Variants in MED13L observed in about 807,000 individuals in gnomAD.
MED13L encodes the protein mediator of RNA polymerase II transcription subunit 13-like.
In MED13L, 7 loss-of-function variants were observed where a neutral mutation model predicts 220.9. The observed-to-expected ratio is 0.03, with a 90% CI of 0.02 to 0.06. The LOEUF is 0.06. Among genes scored for constraint, MED13L ranks in the 10% least tolerant of loss-of-function variants. The pLI, the probability that MED13L is intolerant of heterozygous loss-of-function variation, is 1.00. For synonymous variants in MED13L, 1,011 were observed against 1,015.2 expected (o/e 1.00, Z 0.08); for missense variants, 1,965 against 2,760.5 (o/e 0.71, Z 6.46).
Position 116,277,588 on chromosome 12 carries a change from G to A in MED13L, c.-457C>T, listed in dbSNP as rs931112689. ...CGGACGAAGCCAGCGGGCGACCCCG[G>A]CAGCCGAGCGACGTCCCCTCCTTCC... On this transcript the variant is annotated 5_prime_UTR_variant, in exon 1 of 31. Coordinates refer to ENST00000281928, the MANE Select transcript of MED13L (RefSeq NM_015335.5). Among the ~76,000 whole-genome samples the A allele has an allele frequency of 1.3e-5, 2 of 149,484 alleles. No individual in the cohort carries two copies. Among genetic ancestry groups the A allele is most frequent in the African/African-American group, 2.4e-5 (1 of 41,146 alleles).
chr12:116,205,875 A>G (rs1882284051), intron 2 of MED13L, among the ~76,000 whole-genome samples: 1 of 151,562 alleles, frequency 6.6e-6, no homozygotes, highest in Non-Finnish European at 1.5e-5. Flanking sequence ...TCATTAAAAT[A>G]TATTTAATAT....
chr12:116,232,167 G>A (rs1463066568), intron 2 of MED13L: 4 of 981,368 alleles, frequency 4.1e-6, no homozygotes, highest in East Asian at 2.3e-4. Context: ...CTTAAAAATA[G>A]AAAAAGCAAT....
At chr12:116,183,820 A>ATATGTG (rs1880699980) in intron 2 of MED13L, among the ~76,000 whole-genome samples, 2 of 146,486 alleles carry the variant, frequency 1.4e-5, no homozygotes, top group Non-Finnish European at 3.0e-5. Flanking sequence ...GTGTGTGTGT[A>ATATGTG]TGTGTGTGTG....
intron 2 of MED13L, among the ~76,000 whole-genome samples, chr12:116,220,516 T>C (rs943220654): frequency 6.6e-6 from 1 of 152,174 alleles, no homozygotes; most frequent in Non-Finnish European, 1.5e-5. Flanking sequence ...CTGGCCATTA[T>C]GGCGAAACCC....
intron 2 of MED13L, among the ~76,000 whole-genome samples, chr12:116,212,012 A>G (rs866689096): frequency 6.6e-6 from 1 of 152,230 alleles, no homozygotes; most frequent in Non-Finnish European, 1.5e-5. Flanking sequence ...ATTAAACTAC[A>G]TATATCACAT....
At chr12:116,022,317 C>T (rs931022314) in intron 5 of MED13L, 139 bp downstream of exon 5, 119 of 1,023,602 alleles carry the variant, frequency 1.2e-4, no homozygotes, top group Non-Finnish European at 1.5e-4. Context: ...TCTTTTCTTC[C>T]TTCTTCAAAA....
intron 16 of MED13L, 47 bp downstream of exon 16, chr12:115,996,429 A>C (rs1299259267): frequency 6.3e-7 from 1 of 1,577,484 alleles, no homozygotes; most frequent in East Asian, 2.2e-5. Context: ...GTTAAGATAA[A>C]AATTGCATCA....
intron 1 of MED13L, among the ~76,000 whole-genome samples, chr12:116,244,714 G>A (rs529529083): frequency 9.8e-5 from 15 of 152,328 alleles, no homozygotes; most frequent in African/African-American, 3.6e-4. Flanking sequence ...ACTTTGGCAG[G>A]CCCACAGCAG....
chr12:116,029,863 A>G (rs1880624996), intron 4 of MED13L, among the ~76,000 whole-genome samples: 1 of 152,232 alleles, frequency 6.6e-6, no homozygotes, highest in South Asian at 2.1e-4. Context: ...TTCCATGAAT[A>G]CATGGAAGAG....
chr12:116,132,123 C>CA (rs1165560346), intron 2 of MED13L, among the ~76,000 whole-genome samples: 2 of 151,240 alleles, frequency 1.3e-5, no homozygotes, highest in Admixed American at 6.6e-5. Context: ...TACAAAAGTA[C>CA]AAAAAAAATT....
chr12:116,012,691 G>A (rs1320114158), intron 9 of MED13L, 106 bp downstream of exon 9: 5 of 851,044 alleles, frequency 5.9e-6, no homozygotes, highest in Admixed American at 3.4e-5. Flanking sequence ...TTCTCTACTG[G>A]AGGAGAATGG....
chr12:116,115,941 A>G (rs1874478969), intron 2 of MED13L, among the ~76,000 whole-genome samples: 1 of 152,232 alleles, frequency 6.6e-6, no homozygotes, highest in South Asian at 2.1e-4. Flanking sequence ...GCCACTTTGG[A>G]AAAGTTGCCT....
At chr12:115,993,216 C>T (rs1419494457) in intron 16 of MED13L, among the ~76,000 whole-genome samples, 3 of 151,986 alleles carry the variant, frequency 2.0e-5, no homozygotes, top group Admixed American at 2.0e-4. Context: ...AATCAATCCC[C>T]CAAGGATACC....
chr12:116,198,048 T>C (rs915400027), intron 2 of MED13L, among the ~76,000 whole-genome samples: 2 of 152,204 alleles, frequency 1.3e-5, no homozygotes, highest in Non-Finnish European at 2.9e-5. Flanking sequence ...ATACCATCAA[T>C]AGTGCTTATG....
At chr12:116,008,201 T>G (rs1879171199) in intron 10 of MED13L, 200 bp downstream of exon 10, 1 of 657,440 alleles carries the variant, frequency 1.5e-6, no homozygotes, top group Admixed American at 3.2e-5. Context: ...GTTCTTTATA[T>G]GCCCATGTGT....
chr12:116,270,288 C>G (rs1193983043), intron 1 of MED13L, among the ~76,000 whole-genome samples: 3 of 151,998 alleles, frequency 2.0e-5, no homozygotes, highest in East Asian at 1.9e-4. Context: ...ACTACAGACG[C>G]GCACCACCAC....
At chr12:116,151,661 T>C (rs1451446638) in intron 2 of MED13L, among the ~76,000 whole-genome samples, 1 of 152,172 alleles carries the variant, frequency 6.6e-6, no homozygotes, top group Non-Finnish European at 1.5e-5. Flanking sequence ...AAATTAGCCA[T>C]AATGTGCAAA....
At chr12:116,149,140 TACTATGTC>T (rs1219351826) in intron 2 of MED13L, among the ~76,000 whole-genome samples, 1 of 152,226 alleles carries the variant, frequency 6.6e-6, no homozygotes, top group Admixed American at 6.5e-5. Flanking sequence ...CTCTGCTTAT[TACTATGTC>T]ATGTTTTCCA....
rs541194742 is a variant in MED13L, at chr12:116,201,150, T to G, written c.310+36318A>C. Among the ~76,000 whole-genome samples the G allele has an allele frequency of 8.5e-5, 13 of 152,320 alleles. No individual in the cohort carries two copies. The South Asian group carries it at 2.7e-3, about 32-fold the overall frequency. ...AATTTTAAAAAGCCCCCATGGGTTG[T>G]CATATGAGAGTATCTATCTTTACCC... On this transcript the variant is annotated intron_variant, in intron 2 of 30. Transcript: ENST00000281928.
Sources: allele counts gnomAD v4.1 joint callset (sites outside exome capture counted in the v4.1 genomes callset), GRCh38; gene constraint gnomAD v4.1.1; transcripts MANE v1.5; gene names NCBI Gene and HGNC (gene_info 2026-07-23, HGNC 2026-07-21).